MAD1L1: variants seen among roughly 807,000 people sequenced by gnomAD.
MAD1L1 encodes mitotic arrest deficient 1 like 1.
In MAD1L1, 95 loss-of-function variants were observed where a neutral mutation model predicts 96.9. The ratio of observed to expected loss-of-function variants is 0.98; its 90% CI spans 0.83 to 1.16. The LOEUF (loss-of-function observed/expected upper bound fraction) is 1.16, where lower values mean the gene tolerates loss of function less well. Ranked by LOEUF, MAD1L1 falls within the 50% of genes most tolerant of loss-of-function variation. The pLI is 0.00. For synonymous variants in MAD1L1, 473 were observed against 396.6 expected, an observed-to-expected ratio of 1.19 and a Z score of -2.29; for missense variants, 1,007 against 954.4, an observed-to-expected ratio of 1.06 and a Z score of -0.73.
intron 18 of MAD1L1, among the ~76,000 whole-genome samples, chr7:1,862,172 C>T (rs1428196918): frequency 2.0e-5 from 3 of 152,210 alleles, no homozygotes; most frequent in East Asian, 3.8e-4. Context: ...CCCGCAGCCT[C>T]GGTGCTCTGG....
chr7:2,230,136 T>C lies in MAD1L1; in HGVS notation c.-3A>G. The C allele has an allele frequency of 6.3e-7, 1 of 1,586,954 alleles. No homozygotes were observed. Among genetic ancestry groups the C allele is most frequent in the Non-Finnish European group, 8.6e-7 (1 of 1,166,134 alleles). On this transcript the variant is annotated 5_prime_UTR_variant, in exon 3 of 19. Transcript: ENST00000265854. ...GTGTTTTCCCCCAGGTCTTCCATGGTTGCTTTCCTTCCGGGGACAGACAAA... is the reference window on the plus strand; with the variant it reads ...GTGTTTTCCCCCAGGTCTTCCATGGCTGCTTTCCTTCCGGGGACAGACAAA...
chr7:2,019,774 C>T (rs542828764), intron 12 of MAD1L1, among the ~76,000 whole-genome samples: 29 of 152,282 alleles, frequency 1.9e-4, no homozygotes, highest in African/African-American at 6.3e-4. Context: ...GCACATGAGG[C>T]GGCGTCCCTG....
At chr7:2,203,250 C>T (rs1269763106) in intron 10 of MAD1L1, among the ~76,000 whole-genome samples, 1 of 152,262 alleles carries the variant, frequency 6.6e-6, no homozygotes, top group Non-Finnish European at 1.5e-5. Flanking sequence ...CACTCCCTTC[C>T]TATTTCATAG....
At chr7:2,005,116 C>T (rs148417387) in intron 13 of MAD1L1, among the ~76,000 whole-genome samples, 23 of 152,332 alleles carry the variant, frequency 1.5e-4, no homozygotes, top group African/African-American at 5.5e-4. Context: ...GCTCGGCTCA[C>T]ACGCAGGGCC....
intron 18 of MAD1L1, among the ~76,000 whole-genome samples, chr7:1,857,656 G>A (rs1784324261): frequency 6.6e-6 from 1 of 152,246 alleles, no homozygotes; most frequent in African/African-American, 2.4e-5. Context: ...TGGGCCAGCT[G>A]GACAGGAGGA....
chr7:2,216,855 T>C (rs1209395671), intron 7 of MAD1L1, among the ~76,000 whole-genome samples: 1 of 152,278 alleles, frequency 6.6e-6, no homozygotes, highest in Middle Eastern at 3.4e-3. Context: ...GCCTCAGGAC[T>C]CTCCTGTGGG....
chr7:2,104,184 G>C (rs1034467838), intron 11 of MAD1L1, among the ~76,000 whole-genome samples: 1 of 152,186 alleles, frequency 6.6e-6, no homozygotes, highest in Non-Finnish European at 1.5e-5. Flanking sequence ...GGGGAACCAG[G>C]ACAAAGGCAG....
intron 10 of MAD1L1, among the ~76,000 whole-genome samples, chr7:2,185,310 T>G (rs535781960): frequency 3.3e-5 from 5 of 152,074 alleles, no homozygotes; most frequent in African/African-American, 4.8e-5. Context: ...AAAACTAATT[T>G]ATGGTAATAG....
At chr7:2,102,973 G>A (rs1249184400) in intron 11 of MAD1L1, among the ~76,000 whole-genome samples, 1 of 152,206 alleles carries the variant, frequency 6.6e-6, no homozygotes, top group East Asian at 1.9e-4. Context: ...GGCAGAGGTG[G>A]CACTGTCCCC....
chr7:1,970,731 A>G (rs1780366013), intron 15 of MAD1L1, among the ~76,000 whole-genome samples: 2 of 152,184 alleles, frequency 1.3e-5, no homozygotes, highest in Admixed American at 1.3e-4. Context: ...ATCTATTGAG[A>G]CGTGACGGTG....
At chr7:2,026,837 T>A (rs182184120) in intron 12 of MAD1L1, among the ~76,000 whole-genome samples, 19 of 152,192 alleles carry the variant, frequency 1.2e-4, no homozygotes, top group Admixed American at 5.2e-4. Context: ...AGGATAAATA[T>A]CAATTATCTA....
intron 15 of MAD1L1, among the ~76,000 whole-genome samples, chr7:1,970,487 C>T (rs1780357222): frequency 6.6e-6 from 1 of 151,966 alleles, no homozygotes; most frequent in South Asian, 2.1e-4. Flanking sequence ...GCACGCGCCA[C>T]CACGCCCAGC....
chr7:2,132,662 T>G (rs535986395), intron 11 of MAD1L1, among the ~76,000 whole-genome samples: 1 of 152,380 alleles, frequency 6.6e-6, no homozygotes, highest in East Asian at 1.9e-4. Flanking sequence ...CTTTGCAGAC[T>G]GTCCTCTTTC....
chr7:2,060,707 C>T (rs754875124), intron 12 of MAD1L1, among the ~76,000 whole-genome samples: 1 of 152,190 alleles, frequency 6.6e-6, no homozygotes, highest in Non-Finnish European at 1.5e-5. Flanking sequence ...GGCAGCGCCA[C>T]GCGTGGGGAG....
At chr7:1,995,899 C>T (rs942188708) in intron 14 of MAD1L1, among the ~76,000 whole-genome samples, 5 of 152,174 alleles carry the variant, frequency 3.3e-5, no homozygotes, top group African/African-American at 9.7e-5. Flanking sequence ...AGGATGGGTC[C>T]GGAAGGTGAA....
At chr7:1,818,661 T>G (rs1411463442) in intron 18 of MAD1L1, among the ~76,000 whole-genome samples, 1 of 152,086 alleles carries the variant, frequency 6.6e-6, no homozygotes, top group East Asian at 1.9e-4. Flanking sequence ...CTGCCTCAGC[T>G]GCCCACGACG....
chr7:2,100,511 G>A (rs531891844), intron 11 of MAD1L1, among the ~76,000 whole-genome samples: 17 of 152,350 alleles, frequency 1.1e-4, no homozygotes, highest in Non-Finnish European at 2.5e-4. Context: ...CACCCGGCGC[G>A]TCTGCCTCGT....
intron 1 of MAD1L1, 176 bp from the exon 2 acceptor site, chr7:2,230,903 A>T (rs1200583828): frequency 6.6e-6 from 1 of 152,274 alleles, no homozygotes; most frequent in Non-Finnish European, 1.5e-5. Context: ...TCTCCTCTGG[A>T]AACACCCTCA....
At chr7:1,845,917 T>C (rs1353117737) in intron 18 of MAD1L1, 1 of 152,680 alleles carries the variant, frequency 6.5e-6, no homozygotes. Flanking sequence ...GACAAAGCTG[T>C]GTCAGGCTCT....
Sources: allele counts gnomAD v4.1 joint callset (sites outside exome capture counted in the v4.1 genomes callset), GRCh38; gene constraint gnomAD v4.1.1; transcripts MANE v1.5; gene names NCBI Gene and HGNC (gene_info 2026-07-23, HGNC 2026-07-21).